SEMA4B: variants seen among roughly 807,000 people sequenced by gnomAD.
SEMA4B encodes semaphorin 4B.
In SEMA4B, 55 loss-of-function variants were observed where a neutral mutation model predicts 88.1. The observed-to-expected ratio is 0.62, with a 90% CI of 0.50 to 0.78. The LOEUF (loss-of-function observed/expected upper bound fraction) is 0.78, where lower values mean the gene tolerates loss of function less well. SEMA4B is among the 30% of genes least tolerant of loss of function. The pLI is 0.00. For synonymous variants in SEMA4B, 525 were observed against 473.6 expected (o/e 1.11, Z -1.41); for missense variants, 1,062 against 1,111.9 (o/e 0.96, Z 0.64).
chr15:90,204,050 TGGTAAC>T (rs1214096832), intron 1 of SEMA4B, among the ~76,000 whole-genome samples: 2 of 152,174 alleles, frequency 1.3e-5, no homozygotes, highest in Admixed American at 6.5e-5. Flanking sequence ...GGGAATGCCC[TGGTAAC>T]TGAACAGGCT....
chr15:90,227,441 G>T, intron 12 of SEMA4B, 116 bp from the exon 13 acceptor site: 3 of 750,230 alleles, frequency 4.0e-6, no homozygotes, highest in Non-Finnish European at 6.6e-6. Flanking sequence ...GACTCCTGTG[G>T]GTGGGGAATC....
Position 90,221,218 on chromosome 15 carries a change from G to A in SEMA4B, c.595+125G>A, listed in dbSNP as rs553705560. ...TTCCAAGGGGACAGAATGGCCAGGG[G>A]CTTGCCTTGGGTTTGGTTTTTCCAA... On this transcript the variant is annotated intron_variant, in intron 5 of 13. Coordinates refer to ENST00000411539, the MANE Select transcript of SEMA4B (RefSeq NM_198925.4). The A allele has an allele frequency of 8.2e-5, 91 of 1,103,086 alleles. 2 individuals carry two copies. In the South Asian group the frequency reaches 1.0e-3, roughly 13 times the overall value. The allele number at this position is 1,103,086 out of a possible 1,614,324, so 68.3% of individuals were successfully genotyped here. A position where few individuals can be genotyped will look rare whatever the true frequency, so the allele number is the denominator to read the frequency against.
chr15:90,192,958 G>A (rs1960388869), intron 1 of SEMA4B, among the ~76,000 whole-genome samples: 1 of 152,148 alleles, frequency 6.6e-6, no homozygotes, highest in Non-Finnish European at 1.5e-5. Flanking sequence ...ATGTATGTGT[G>A]TGTGTATGAG....
At chr15:90,202,053 A>G (rs1960770846) in intron 1 of SEMA4B, among the ~76,000 whole-genome samples, 1 of 152,184 alleles carries the variant, frequency 6.6e-6, no homozygotes. Flanking sequence ...TTTGATGCTG[A>G]CCAGAGCCGA....
intron 1 of SEMA4B, among the ~76,000 whole-genome samples, chr15:90,187,718 AGGTGGGGGCTG>A (rs1268545710): frequency 6.6e-6 from 1 of 152,178 alleles, no homozygotes; most frequent in African/African-American, 2.4e-5. Flanking sequence ...GTCTAAAGAA[AGGTGGGGGCTG>A]GGTGCAGTGA....
At chr15:90,218,528 C>T (rs1021166040) in intron 3 of SEMA4B, among the ~76,000 whole-genome samples, 26 of 152,314 alleles carry the variant, frequency 1.7e-4, no homozygotes, top group African/African-American at 6.3e-4. Context: ...TGGCTCACGC[C>T]TGTAATCCCA....
intron 1 of SEMA4B, chr15:90,206,832 G>A: frequency 1.4e-6 from 1 of 728,750 alleles, no homozygotes; most frequent in Non-Finnish European, 2.5e-6. Context: ...TGGGGGAATG[G>A]GTAGGTCTCT....
At chr15:90,205,529 C>G (rs1960946311) in intron 1 of SEMA4B, among the ~76,000 whole-genome samples, 1 of 152,232 alleles carries the variant, frequency 6.6e-6, no homozygotes, top group Non-Finnish European at 1.5e-5. Flanking sequence ...CTTCTCCAGG[C>G]CCATTTTCAC....
rs578105618 is a variant in SEMA4B at position 90,220,008 on chromosome 15, C to G, written c.483+117C>G. The stretch of plus-strand genomic sequence containing the variant: ...AAAGGCAGGGCCCAGAGGGAGGTTT[C>G]TAGGTACCACTGGCCTCCAAGAGCC... On this transcript the variant is annotated intron_variant, in intron 4 of 13. Coordinates refer to ENST00000411539, the MANE Select transcript of SEMA4B (RefSeq NM_198925.4). 21 of 711,664 alleles carry G rather than the reference C, an allele frequency of 3.0e-5. No individual in the cohort carries two copies. In the African/African-American group the frequency reaches 3.2e-4, roughly 11 times the overall value. The allele number at this position is 711,664 out of a possible 1,614,324, so 44.1% of individuals were successfully genotyped here.
chr15:90,194,543 C>A (rs915912733), intron 1 of SEMA4B, among the ~76,000 whole-genome samples: 1 of 151,112 alleles, frequency 6.6e-6, no homozygotes, highest in Non-Finnish European at 1.5e-5. Flanking sequence ...AAAAAAAAAA[C>A]AAAAAACATA....
chr15:90,218,692 T>C (rs1961655482), intron 3 of SEMA4B, among the ~76,000 whole-genome samples: 1 of 152,142 alleles, frequency 6.6e-6, no homozygotes, highest in South Asian at 2.1e-4. Flanking sequence ...GGCAGGCGCC[T>C]GTAGCCCCAG....
upstream of SEMA4B, among the ~76,000 whole-genome samples, chr15:90,198,837 T>G (rs537540670): frequency 6.6e-6 from 1 of 152,310 alleles, no homozygotes; most frequent in African/African-American, 2.4e-5. Flanking sequence ...TGGAGGGTTT[T>G]GAGCAGAGGA....
At chr15:90,198,978 A>G (rs1374343007), upstream of SEMA4B, among the ~76,000 whole-genome samples, 2 of 152,132 alleles carry the variant, frequency 1.3e-5, no homozygotes, top group Non-Finnish European at 2.9e-5. Context: ...GGTTCAAGCA[A>G]TTCTCCTGCC....
rs1218590230 is a variant in SEMA4B, at chr15:90,228,211, C to A, written c.2082C>A (p.Ser694Arg). Residue 694 changes from serine to arginine, a missense_variant, in exon 14 of 14, where the codon AGC becomes AGA. Transcript: ENST00000411539. Reference sequence around the variant, plus strand: ...GTGGCAGTGTACCCGTCATTATCAGCACATCGCGTGTGAGTGCACCAGCTG... The same window carrying A: ...GTGGCAGTGTACCCGTCATTATCAGAACATCGCGTGTGAGTGCACCAGCTG... ...DEGGSVPVII[S>R]TSRVSAPAGG... 1 of 1,608,648 alleles carries A rather than the reference C, an allele frequency of 6.2e-7. No homozygotes were observed.
Position 90,221,625 on chromosome 15 carries a change from G to C in SEMA4B, c.721G>C (p.Val241Leu), listed in dbSNP as rs374047768. The C allele has an allele frequency of 2.2e-5, 35 of 1,613,914 alleles. No individual in the cohort carries two copies. Among genetic ancestry groups the C allele is most frequent in the Non-Finnish European group, 1.7e-6 (2 of 1,179,906 alleles). Residue 241 changes from valine (V) to leucine (L), a missense_variant, in exon 7 of 14, where the codon GTG becomes CTG. By Grantham distance (32) the Val-to-Leu change is conservative (BLOSUM62 1). Coordinates refer to ENST00000411539, the MANE Select transcript of SEMA4B (RefSeq NM_198925.4). ...CCTGGTCCCTACAGACCCAGCTTTT[G>C]TGGCCTCAGCCTACATTCCTGAGAG... is the stretch of plus-strand genomic sequence containing the variant. ...SLNWLQDPAF[V>L]ASAYIPESLG...
Position 90,212,937 on chromosome 15 carries a change from C to G in SEMA4B, c.158-4502C>G, listed in dbSNP as rs891371356. On this transcript the variant is annotated intron_variant, in intron 1 of 13. Coordinates refer to ENST00000411539, the MANE Select transcript of SEMA4B (RefSeq NM_198925.4). This position sits in a 1 kb window ranked among gnomAD's most constrained non-coding sequence, Gnocchi z 4.0. ...CCCTGGATGAGGGAGGCCCGACTCC[C>G]GCAAGGAGCCCTGCCCTTCTGCCAG... Among the ~76,000 whole-genome samples, 2 of 152,172 alleles carry G rather than the reference C, an allele frequency of 1.3e-5. No individual in the cohort carries two copies. The highest frequency in any genetic ancestry group is 6.5e-5 in the Admixed American group (1 of 15,276).
chr15:90,188,144 C>T (rs571911712), intron 1 of SEMA4B, among the ~76,000 whole-genome samples: 2 of 151,194 alleles, frequency 1.3e-5, no homozygotes, highest in South Asian at 4.2e-4. Context: ...CATGGTGAAA[C>T]TCAGTCTCTA....
In SEMA4B at chr15:90,223,758, C is replaced by G; in HGVS notation, c.1043+18C>G. 6.2e-7 allele frequency: 1 copy of G among 1,603,120 alleles called. No individual in the cohort carries two copies. The highest frequency in any genetic ancestry group is 1.1e-5 in the South Asian group (1 of 90,512). ...TCCCAGTGGTAGGGCCTCCAGACCTCGCTGGAGATGGAAGGGTGAAGGGTG... is the reference window on the plus strand; with the variant it reads ...TCCCAGTGGTAGGGCCTCCAGACCTGGCTGGAGATGGAAGGGTGAAGGGTG... On this transcript the variant is annotated intron_variant, in intron 8 of 13. Coordinates refer to ENST00000411539, the MANE Select transcript of SEMA4B (RefSeq NM_198925.4).
chr15:90,225,580 G>A, intron 11 of SEMA4B, 81 bp from the exon 12 acceptor site: 1 of 1,484,946 alleles, frequency 6.7e-7, no homozygotes, highest in Non-Finnish European at 9.1e-7. Flanking sequence ...GGTGGCTCTG[G>A]GAGGCATACA....
Sources: gnomAD v4.1 joint callset for allele counts (sites outside exome capture counted in the v4.1 genomes callset) on GRCh38, gnomAD v4.1.1 for gene constraint, Gnocchi (gnomAD v3.1) non-coding constraint, MANE v1.5 for transcripts, NCBI Gene and HGNC (gene_info 2026-07-23, HGNC 2026-07-21) for gene names.